The following TNR variants were observed in gnomAD, a reference collection of about 807,000 sequenced individuals.
TNR encodes the protein tenascin R.
In TNR, 45 loss-of-function variants were observed where a neutral mutation model predicts 150.4. The observed-to-expected ratio is 0.30, with a 90% CI of 0.24 to 0.38. The LOEUF (loss-of-function observed/expected upper bound fraction) is 0.38, where lower values mean the gene tolerates loss of function less well. Among genes scored for constraint, TNR ranks in the 10% least tolerant of loss-of-function variants. The pLI, the probability that TNR is intolerant of heterozygous loss-of-function variation, is 1.00. For missense variants in TNR, 1,544 were observed against 1,759.1 expected (o/e 0.88, Z 2.19); for synonymous variants, 687 against 678.4 (o/e 1.01, Z -0.20).
At chr1:175,611,206 G>A (rs1663587506) in intron 1 of TNR, among the ~76,000 whole-genome samples, 1 of 151,782 alleles carries the variant, frequency 6.6e-6, no homozygotes, top group African/African-American at 2.4e-5. Flanking sequence ...CTGGAGGCTT[G>A]TGTTCATCTG....
At chr1:175,439,502 A>T (rs1655680586) in intron 2 of TNR, among the ~76,000 whole-genome samples, 1 of 152,158 alleles carries the variant, frequency 6.6e-6, no homozygotes, top group East Asian at 1.9e-4. Context: ...AAGCAATGGC[A>T]ACAAAAGCCA....
At chr1:175,504,491 C>T (rs1363930487) in intron 2 of TNR, among the ~76,000 whole-genome samples, 1 of 152,174 alleles carries the variant, frequency 6.6e-6, no homozygotes, top group Non-Finnish European at 1.5e-5. Context: ...GTCCTTCACC[C>T]TCACCCCTGT....
chr1:175,422,784 T>C (rs1164281754), intron 2 of TNR, among the ~76,000 whole-genome samples: 1 of 152,254 alleles, frequency 6.6e-6, no homozygotes, highest in Non-Finnish European at 1.5e-5. Context: ...CCATCTTCAC[T>C]GAGAAACTGG....
At chr1:175,634,573 C>G (rs889593261) in intron 1 of TNR, among the ~76,000 whole-genome samples, 2 of 152,094 alleles carry the variant, frequency 1.3e-5, no homozygotes, top group Non-Finnish European at 2.9e-5. Flanking sequence ...AAAATGTGGG[C>G]GTTGTTTGGG....
chr1:175,725,632 G>A (rs1667457268), intron 1 of TNR, among the ~76,000 whole-genome samples: 2 of 152,138 alleles, frequency 1.3e-5, no homozygotes, highest in Admixed American at 6.5e-5. Context: ...AAAAATAACA[G>A]GCAAGAGAAG....
chr1:175,347,312 T>C (rs1650840830), intron 18 of TNR, among the ~76,000 whole-genome samples: 1 of 152,334 alleles, frequency 6.6e-6, no homozygotes, highest in East Asian at 1.9e-4. Flanking sequence ...CCTTGATAAA[T>C]GTTTTAAACC....
intron 1 of TNR, among the ~76,000 whole-genome samples, chr1:175,571,797 C>A (rs1254463048): frequency 6.6e-6 from 1 of 152,182 alleles, no homozygotes; most frequent in Non-Finnish European, 1.5e-5. Context: ...AATGTCAATG[C>A]CACTTTACTT....
Position 175,458,702 on chromosome 1 carries a change from T to G in TNR, c.-63-51925A>C, listed in dbSNP as rs1350771275. 1.2e-4 allele frequency among the ~76,000 whole-genome samples: 18 copies of G among 152,208 alleles called. 1 individual carries two copies. The highest frequency in any genetic ancestry group is 1.2e-3 in the Admixed American group (18 of 15,282). On this transcript the variant is annotated intron_variant, in intron 2 of 22. Transcript: ENST00000367674. Reference sequence around the variant, plus strand: ...AACCTCTATTTTGTGATACACAAATTTGGGCAGGAATTCAGATAAACAGTT... The same window carrying G: ...AACCTCTATTTTGTGATACACAAATGTGGGCAGGAATTCAGATAAACAGTT...
chr1:175,349,670 A>G (rs994069229), intron 18 of TNR, among the ~76,000 whole-genome samples: 1 of 152,228 alleles, frequency 6.6e-6, no homozygotes, highest in Non-Finnish European at 1.5e-5. Context: ...ATGAGTAAAA[A>G]CAGACTGGGA....
At position 175,322,504 on chromosome 1, in the gene TNR, G is replaced by T. The variant is rs1168251136; in HGVS notation, c.*853C>A. The T allele has an allele frequency of 6.6e-6, 1 of 152,320 alleles. No individual in the cohort carries two copies. The highest frequency in any genetic ancestry group is 1.5e-5 in the Non-Finnish European group (1 of 68,126). 9.4% of individuals were successfully genotyped at this position (152,320 alleles called of 1,614,324 possible). ...CATTATAAAGGACTTGGGGCTGGAT[G>T]CAGTGGCTGTAGCCTGTAATCCCAG... On this transcript the variant is annotated 3_prime_UTR_variant, in exon 23 of 23. Coordinates refer to ENST00000367674, the MANE Select transcript of TNR (RefSeq NM_003285.3).
chr1:175,525,566 G>C (rs1303134048), intron 2 of TNR, among the ~76,000 whole-genome samples: 1 of 152,208 alleles, frequency 6.6e-6, no homozygotes, highest in Non-Finnish European at 1.5e-5. Flanking sequence ...CCTGAAATCT[G>C]GGGTGAGTTT....
intron 2 of TNR, among the ~76,000 whole-genome samples, chr1:175,425,602 T>G (rs1429249006): frequency 3.3e-5 from 5 of 152,148 alleles, no homozygotes; most frequent in African/African-American, 1.2e-4. Context: ...TGGAGCAGTG[T>G]CCTCCGAAGC....
At chr1:175,385,976 G>A (rs138725581) in intron 8 of TNR, 56 bp downstream of exon 8, 52 of 1,511,004 alleles carry the variant, frequency 3.4e-5, no homozygotes, top group Non-Finnish European at 4.2e-5. Flanking sequence ...TGACACCACC[G>A]GTTGGCTCCA....
intron 1 of TNR, among the ~76,000 whole-genome samples, chr1:175,612,667 A>G (rs1340126371): frequency 6.6e-6 from 1 of 152,342 alleles, no homozygotes; most frequent in East Asian, 1.9e-4. Flanking sequence ...GGACCTTCTA[A>G]CCTTGACAAA....
chr1:175,726,644 G>C (rs1362717793), intron 1 of TNR, among the ~76,000 whole-genome samples: 1 of 152,342 alleles, frequency 6.6e-6, no homozygotes, highest in Admixed American at 6.5e-5. Context: ...GTCAGCAAAT[G>C]CCTAGGCAAG....
intron 1 of TNR, among the ~76,000 whole-genome samples, chr1:175,667,481 A>G (rs374999606): frequency 6.6e-6 from 1 of 152,236 alleles, no homozygotes; most frequent in Non-Finnish European, 1.5e-5. Flanking sequence ...AGCACCTGCT[A>G]TGTGCTGGGA....
chr1:175,343,292 G>A (rs1256117225), intron 18 of TNR, among the ~76,000 whole-genome samples: 1 of 152,132 alleles, frequency 6.6e-6, no homozygotes, highest in East Asian at 1.9e-4. Flanking sequence ...GTAACAGATG[G>A]AAAAGGCCAA....
intron 1 of TNR, among the ~76,000 whole-genome samples, chr1:175,651,650 C>T (rs1156357391): frequency 6.6e-6 from 1 of 151,920 alleles, no homozygotes; most frequent in African/African-American, 2.4e-5. Context: ...AGTGTTCAAA[C>T]AAAATAATCC....
chr1:175,720,109 A>G (rs1419269412), intron 1 of TNR, among the ~76,000 whole-genome samples: 2 of 152,220 alleles, frequency 1.3e-5, no homozygotes, highest in East Asian at 3.9e-4. Context: ...CACATGTTAG[A>G]GCCCTAAACC....
Sources: allele counts gnomAD v4.1 joint callset (sites outside exome capture counted in the v4.1 genomes callset), GRCh38; gene constraint gnomAD v4.1.1; transcripts MANE v1.5; gene names NCBI Gene and HGNC (gene_info 2026-07-23, HGNC 2026-07-21).